Variants in SLCO6A1 observed in about 807,000 individuals in gnomAD.
SLCO6A1 encodes the protein cancer/testis antigen 48.
SLCO6A1 carries 65 observed loss-of-function variants against 72.7 expected under a neutral mutation model. The observed-to-expected ratio is 0.89, with a 90% CI of 0.73 to 1.10. The LOEUF (loss-of-function observed/expected upper bound fraction) is 1.10. Ranked by LOEUF, SLCO6A1 falls within the 50% of genes least tolerant of loss-of-function variation. The pLI is 0.00. For synonymous variants in SLCO6A1, 314 were observed against 298.2 expected (o/e 1.05, Z -0.55); for missense variants, 874 against 872.6 (o/e 1.00, Z -0.02).
intron 7 of SLCO6A1, among the ~76,000 whole-genome samples, chr5:102,423,787 C>T (rs1052726402): frequency 1.3e-5 from 2 of 152,206 alleles, no homozygotes; most frequent in African/African-American, 2.4e-5. Flanking sequence ...TAGACAACTA[C>T]AGAACTCTTC....
In SLCO6A1 at chr5:102,376,232, C is replaced by A. The variant is rs575509149; in HGVS notation, c.2018-2738G>T. Among the ~76,000 whole-genome samples the A allele has an allele frequency of 6.6e-4, 101 of 151,980 alleles. No homozygotes were observed. The Middle Eastern group carries it at 0.01, about 15-fold the overall frequency. ...ATAGCCAAAATACAGTCTCATTAAA[C>A]AAAAATGTAAAATAATTCATCTCCT... On this transcript the variant is annotated intron_variant, in intron 12 of 13. Transcript: ENST00000506729.
rs535707370 is a variant in SLCO6A1, at chr5:102,461,980, A to C, written c.900-2203T>G. 2.0e-5 allele frequency among the ~76,000 whole-genome samples: 3 copies of C among 152,210 alleles called. No individual in the cohort carries two copies. In the South Asian group the frequency reaches 6.2e-4, roughly 32 times the overall value. ...ATGATTATATAGCTAGAAAACCATA[A>C]AGACCCATCCAAAAATCTCCAAGAA... On this transcript the variant is annotated intron_variant, in intron 4 of 13. Transcript: ENST00000506729.
At chr5:102,396,347 G>A (rs1747083028) in intron 10 of SLCO6A1, among the ~76,000 whole-genome samples, 1 of 152,020 alleles carries the variant, frequency 6.6e-6, no homozygotes, top group African/African-American at 2.4e-5. Flanking sequence ...AGATCAGATG[G>A]TTGTAGATAT....
intron 7 of SLCO6A1, among the ~76,000 whole-genome samples, chr5:102,423,467 G>T (rs969999595): frequency 6.6e-6 from 1 of 152,164 alleles, no homozygotes; most frequent in African/African-American, 2.4e-5. Flanking sequence ...AAAAGCAGTG[G>T]TTGCAGTCCT....
At chr5:102,402,344 G>T (rs1038721161) in intron 9 of SLCO6A1, among the ~76,000 whole-genome samples, 3 of 152,140 alleles carry the variant, frequency 2.0e-5, no homozygotes, top group Non-Finnish European at 4.4e-5. Context: ...AATCCTCAAG[G>T]AATGGGAGGA....
chr5:102,420,431 A>T (rs1349349025), intron 7 of SLCO6A1, among the ~76,000 whole-genome samples: 1 of 152,228 alleles, frequency 6.6e-6, no homozygotes, highest in Non-Finnish European at 1.5e-5. Context: ...TGTTAACAAG[A>T]ATTGAACCAA....
intron 6 of SLCO6A1, among the ~76,000 whole-genome samples, chr5:102,453,087 T>G (rs553656011): frequency 6.6e-6 from 1 of 152,210 alleles, no homozygotes; most frequent in African/African-American, 2.4e-5. Flanking sequence ...ACTTTGGTTA[T>G]GTAGTCCCCC....
chr5:102,382,933 C>T lies in SLCO6A1; in HGVS notation c.2017+5755G>A, dbSNP rs573818359. Among the ~76,000 whole-genome samples the T allele has an allele frequency of 2.0e-3, 296 of 146,948 alleles. 3 individuals are homozygous for T. The highest frequency in any genetic ancestry group is 7.1e-3 in the African/African-American group (282 of 39,986). ...TACATATATATACATGAGATATATA[C>T]GTGTGTGTATATATATGAGAGATAT... On this transcript the variant is annotated intron_variant, in intron 12 of 13. Transcript: ENST00000506729.
At chr5:102,401,343 C>G (rs370386124) in intron 9 of SLCO6A1, among the ~76,000 whole-genome samples, 1 of 151,956 alleles carries the variant, frequency 6.6e-6, no homozygotes, top group Non-Finnish European at 1.5e-5. Context: ...AAACAGCTAT[C>G]GGGTGGCAAT....
intron 6 of SLCO6A1, among the ~76,000 whole-genome samples, chr5:102,445,969 G>C (rs1330662531): frequency 6.6e-6 from 1 of 152,100 alleles, no homozygotes; most frequent in Non-Finnish European, 1.5e-5. Context: ...TAGGAGCCTT[G>C]TAGTACATTT....
chr5:102,393,348 T>G (rs1196376508), intron 10 of SLCO6A1, among the ~76,000 whole-genome samples: 1 of 152,162 alleles, frequency 6.6e-6, no homozygotes, highest in Admixed American at 6.6e-5. Context: ...TTCATGCCAC[T>G]TCTCAACTTT....
Position 102,406,036 on chromosome 5 carries a change from G to A in SLCO6A1, c.1627-6294C>T, listed in dbSNP as rs145694467. Among the ~76,000 whole-genome samples the A allele has an allele frequency of 4.5e-4, 69 of 151,972 alleles. 1 individual carries two copies. The highest frequency in any genetic ancestry group is 7.5e-4 in the Non-Finnish European group (51 of 67,826). ...CCATTCAATTAAAAATCAATTCAAA[G>A]AGATAAAACAAAATGTCAAGGTATA... is the stretch of plus-strand genomic sequence containing the variant. On this transcript the variant is annotated intron_variant, in intron 9 of 13. Coordinates refer to ENST00000506729, the MANE Select transcript of SLCO6A1 (RefSeq NM_173488.5).
At chr5:102,470,055 T>C (rs111908893) in intron 4 of SLCO6A1, among the ~76,000 whole-genome samples, 43,046 of 152,044 alleles carry the variant, frequency 0.28, 6,359 homozygotes, top group South Asian at 0.35. Context: ...TGGATTCAGT[T>C]TGCCAGTATT....
intron 12 of SLCO6A1, among the ~76,000 whole-genome samples, chr5:102,380,910 C>T (rs915045600): frequency 6.6e-6 from 1 of 151,812 alleles, no homozygotes; most frequent in Non-Finnish European, 1.5e-5. Context: ...AGCATGCCAA[C>T]CACCAGTCCA....
At chr5:102,488,093 G>C (rs1462820250) in intron 1 of SLCO6A1, among the ~76,000 whole-genome samples, 1 of 152,116 alleles carries the variant, frequency 6.6e-6, no homozygotes, top group Non-Finnish European at 1.5e-5. Context: ...TAGTCAACCA[G>C]TTAAGTAGTA....
rs541410820 is a variant in SLCO6A1 at position 102,480,119 on chromosome 5, G to C, written c.616+58C>G. ...TATCACAGTCTATTTTAAGTTCCTT[G>C]AGCCAAGGTTTGAATGAATATTGAT... On this transcript the variant is annotated intron_variant, in intron 2 of 13. Coordinates refer to ENST00000506729, the MANE Select transcript of SLCO6A1 (RefSeq NM_173488.5). 83 of 1,463,802 alleles carry C rather than the reference G, an allele frequency of 5.7e-5. No individual in the cohort carries two copies. The Admixed American group carries it at 1.2e-3, about 20-fold the overall frequency. 90.7% of individuals were successfully genotyped at this position (1,463,802 alleles called of 1,614,324 possible). A position where few individuals can be genotyped will look rare whatever the true frequency, so the allele number is the denominator to read the frequency against.
At chr5:102,410,909 C>A (rs796220498) in intron 9 of SLCO6A1, among the ~76,000 whole-genome samples, 3 of 152,188 alleles carry the variant, frequency 2.0e-5, no homozygotes, top group African/African-American at 7.2e-5. Flanking sequence ...GACTAATTTC[C>A]ACATCTAAAT....
chr5:102,391,444 G>GC (rs965640971), intron 10 of SLCO6A1, among the ~76,000 whole-genome samples: 1 of 151,978 alleles, frequency 6.6e-6, no homozygotes, highest in African/African-American at 2.4e-5. Flanking sequence ...CTTGCTTTCT[G>GC]CCCCGGGAGG....
chr5:102,384,629 A>G (rs1746306199), intron 12 of SLCO6A1, among the ~76,000 whole-genome samples: 1 of 152,136 alleles, frequency 6.6e-6, no homozygotes, highest in African/African-American at 2.4e-5. Context: ...TGGAAACTCT[A>G]GATTTTAACT....
Sources: gnomAD v4.1 joint callset for allele counts (sites outside exome capture counted in the v4.1 genomes callset) on GRCh38, gnomAD v4.1.1 for gene constraint, MANE v1.5 for transcripts, NCBI Gene and HGNC (gene_info 2026-07-23, HGNC 2026-07-21) for gene names.